The following SPNS3 variants were observed in gnomAD, a reference collection of about 807,000 sequenced individuals.
SPNS3 encodes the protein SPNS lysolipid transporter 3, sphingosine-1-phosphate (putative).
A neutral mutation model predicts 54.4 loss-of-function variants in SPNS3; 51 were observed. The observed-to-expected ratio is 0.94, with a 90% CI of 0.75 to 1.18. The LOEUF (loss-of-function observed/expected upper bound fraction) is 1.18. SPNS3 is among the 50% of genes most tolerant of loss of function. The pLI, the probability that SPNS3 is intolerant of heterozygous loss-of-function variation, is 0.00. For synonymous variants in SPNS3, 309 were observed against 294.7 expected, an observed-to-expected ratio of 1.05 and a Z score of -0.50; for missense variants, 669 against 677.4, an observed-to-expected ratio of 0.99 and a Z score of 0.14.
At chr17:4,455,550 C>A (rs1406561547) in intron 8 of SPNS3, among the ~76,000 whole-genome samples, 1 of 152,172 alleles carries the variant, frequency 6.6e-6, no homozygotes, top group East Asian at 1.9e-4. Context: ...GCCTTTCCAG[C>A]CAGGCTGTCT....
At chr17:4,454,802 T>G (rs1971261156) in intron 8 of SPNS3, among the ~76,000 whole-genome samples, 1 of 151,576 alleles carries the variant, frequency 6.6e-6, no homozygotes, top group Non-Finnish European at 1.5e-5. Context: ...TTTGTGTATT[T>G]TTAGTAGAGA....
At chr17:4,447,986 C>G (rs1567557033) in intron 5 of SPNS3, among the ~76,000 whole-genome samples, 169 bp from the exon 6 acceptor site, 1 of 152,194 alleles carries the variant, frequency 6.6e-6, no homozygotes, top group African/African-American at 2.4e-5. Context: ...AACAGTGGTA[C>G]ATCCTGCTCT....
chr17:4,446,312 G>C lies in SPNS3; in HGVS notation c.554+113G>C. The C allele has an allele frequency of 2.6e-6, 3 of 1,175,994 alleles. No homozygotes were observed. The South Asian group carries it at 4.6e-5, about 18-fold the overall frequency. 72.8% of individuals were successfully genotyped at this position (1,175,994 alleles called of 1,614,324 possible). ...TCAAACCAGGAGGGCTGGGATTTGA[G>C]TCCCAATGCTACCCCTCCCTCACCA... On this transcript the variant is annotated intron_variant, in intron 4 of 11. Transcript: ENST00000355530.
At chr17:4,435,641 G>A (rs879819447) in intron 1 of SPNS3, among the ~76,000 whole-genome samples, 71 of 151,986 alleles carry the variant, frequency 4.7e-4, no homozygotes, top group Non-Finnish European at 7.8e-4. Context: ...AGCTCCTGCT[G>A]GCTGTGTTTC....
intron 8 of SPNS3, among the ~76,000 whole-genome samples, chr17:4,459,691 C>T (rs369507186): frequency 5.9e-5 from 9 of 152,122 alleles, no homozygotes; most frequent in African/African-American, 1.7e-4. Flanking sequence ...CCAGCCTGGG[C>T]GACAGAGCGA....
At position 4,446,982 on chromosome 17, in the gene SPNS3, C is replaced by T; in HGVS notation, c.621+20C>T. The T allele has an allele frequency of 2.5e-6, 4 of 1,613,590 alleles. No individual in the cohort carries two copies. Among genetic ancestry groups the T allele is most frequent in the Non-Finnish European group, 3.4e-6 (4 of 1,179,566 alleles). ...CTCCGAGTGAGTCCAGCTTCCTTTT[C>T]TTCCCTCTGCTTTCCCTCTGGACCG... On this transcript the variant is annotated intron_variant, in intron 5 of 11. Coordinates refer to ENST00000355530, the MANE Select transcript of SPNS3 (RefSeq NM_182538.5).
intron 8 of SPNS3, among the ~76,000 whole-genome samples, chr17:4,472,317 T>C (rs574097269): frequency 6.6e-6 from 1 of 152,342 alleles, no homozygotes; most frequent in South Asian, 2.1e-4. Flanking sequence ...GGATGACTCT[T>C]TGTCTTTGAC....
intron 9 of SPNS3, chr17:4,485,273 A>G (rs1375782035): frequency 6.6e-6 from 1 of 152,080 alleles, no homozygotes; most frequent in Non-Finnish European, 1.5e-5. Context: ...TACCATTATT[A>G]CCCCCACTTG....
intron 8 of SPNS3, among the ~76,000 whole-genome samples, chr17:4,472,898 C>A (rs73323839): frequency 1.5e-3 from 226 of 149,050 alleles, no homozygotes; most frequent in African/African-American, 5.4e-3. Flanking sequence ...AAGGGATCCT[C>A]CCCCTTCAGC....
rs191360026 is a variant in SPNS3 at position 4,444,859 on chromosome 17, A to C, written c.266-173A>C. The C allele has an allele frequency of 1.4e-5, 11 of 769,112 alleles. No homozygotes were observed. In the East Asian group the frequency reaches 2.5e-4, roughly 18 times the overall value. 47.6% of individuals were successfully genotyped at this position (769,112 alleles called of 1,614,324 possible). On this transcript the variant is annotated intron_variant, in intron 2 of 11. Coordinates refer to ENST00000355530, the MANE Select transcript of SPNS3 (RefSeq NM_182538.5). ...CCTCCACACTCTGGGCTGCGGCTGC[A>C]TGTTGGCCACGCACTGTGAGGTTCA...
intron 8 of SPNS3, among the ~76,000 whole-genome samples, chr17:4,475,039 G>A (rs1201287051): frequency 2.0e-5 from 3 of 152,086 alleles, no homozygotes; most frequent in South Asian, 4.2e-4. Context: ...GCATGTTGGC[G>A]CGGCCGCATG....
At chr17:4,459,700 G>A (rs559696709) in intron 8 of SPNS3, among the ~76,000 whole-genome samples, 38 of 152,096 alleles carry the variant, frequency 2.5e-4, no homozygotes, top group Non-Finnish European at 3.7e-4. Flanking sequence ...GCGACAGAGC[G>A]AGACTCCATG....
chr17:4,446,439 G>C (rs1019308024), intron 4 of SPNS3, among the ~76,000 whole-genome samples: 14 of 152,186 alleles, frequency 9.2e-5, no homozygotes, highest in African/African-American at 3.1e-4. Context: ...AGGATGTGCC[G>C]TATAGATTCA....
intron 1 of SPNS3, among the ~76,000 whole-genome samples, chr17:4,438,294 C>T (rs776343066): frequency 4.6e-5 from 7 of 152,198 alleles, no homozygotes; most frequent in Non-Finnish European, 1.0e-4. Context: ...CAGCTTCAGA[C>T]GGGCAACCTT....
At chr17:4,449,421 C>T (rs200161013) in intron 7 of SPNS3, 34 bp downstream of exon 7, 35 of 1,545,582 alleles carry the variant, frequency 2.3e-5, no homozygotes, top group Admixed American at 4.3e-5. Flanking sequence ...GCACCTGGCC[C>T]GGCTCGGGGG....
intron 8 of SPNS3, among the ~76,000 whole-genome samples, chr17:4,458,637 CTTT>C (rs1567564056): frequency 3.3e-5 from 4 of 122,566 alleles, no homozygotes; most frequent in South Asian, 5.0e-4. Flanking sequence ...TTCTTTCTTT[CTTT>C]CTTTCTTTCC....
intron 8 of SPNS3, among the ~76,000 whole-genome samples, chr17:4,467,511 G>A (rs896955762): frequency 6.6e-6 from 1 of 151,878 alleles, no homozygotes; most frequent in African/African-American, 2.4e-5. Flanking sequence ...ATCCTTCTCC[G>A]TGTGGCCGTT....
At chr17:4,443,918 T>C (rs1970916172) in intron 2 of SPNS3, among the ~76,000 whole-genome samples, 1 of 152,158 alleles carries the variant, frequency 6.6e-6, no homozygotes, top group Non-Finnish European at 1.5e-5. Flanking sequence ...CTGCACAAGA[T>C]GGTGAAACCC....
At position 4,446,880 on chromosome 17, in the gene SPNS3, T is replaced by C. The variant is rs201931072; in HGVS notation, c.555-16T>C. On this transcript the variant is annotated splice_polypyrimidine_tract_variant and intron_variant, in intron 4 of 11. Coordinates refer to ENST00000355530, the MANE Select transcript of SPNS3 (RefSeq NM_182538.5). Reference sequence around the variant, plus strand: ...CCCTCCCCTCACAGCCCATCGCCCCTGCCCCTTTGTTGCAGTGGTCTGGGC... The same window carrying C: ...CCCTCCCCTCACAGCCCATCGCCCCCGCCCCTTTGTTGCAGTGGTCTGGGC... The C allele has an allele frequency of 9.0e-5, 145 of 1,613,388 alleles. 1 individual carries two copies. Among genetic ancestry groups the C allele is most frequent in the Non-Finnish European group, 3.1e-5 (37 of 1,179,594 alleles).
Sources: gnomAD v4.1 joint callset for allele counts (sites outside exome capture counted in the v4.1 genomes callset) on GRCh38, gnomAD v4.1.1 for gene constraint, MANE v1.5 for transcripts, NCBI Gene and HGNC (gene_info 2026-07-23, HGNC 2026-07-21) for gene names.